Variants in ZNRF3 observed in about 807,000 individuals in gnomAD.
ZNRF3 encodes the protein zinc and ring finger 3, also known as E3 ubiquitin-protein ligase ZNRF3.
A neutral mutation model predicts 72.5 loss-of-function variants in ZNRF3; 23 were observed. The ratio of observed to expected loss-of-function variants is 0.32; its 90% CI spans 0.23 to 0.45. ZNRF3 has a LOEUF of 0.45. ZNRF3 is among the 20% of genes least tolerant of loss of function. ZNRF3 has a pLI of 1.00. For synonymous variants in ZNRF3, 610 were observed against 545.3 expected, an observed-to-expected ratio of 1.12 and a Z score of -1.65; for missense variants, 1,169 against 1,272.1, an observed-to-expected ratio of 0.92 and a Z score of 1.23.
In ZNRF3 at chr22:28,884,085, G is replaced by A; in HGVS notation, c.300+19G>A. 1.7e-6 allele frequency: 2 copies of A among 1,190,542 alleles called. No individual in the cohort carries two copies. The highest frequency in any genetic ancestry group is 2.1e-6 in the Non-Finnish European group (2 of 949,326). The allele number at this position is 1,190,542 out of a possible 1,614,324, so 73.7% of individuals were successfully genotyped here. A position where few individuals can be genotyped will look rare whatever the true frequency, so the allele number is the denominator to read the frequency against. On this transcript the variant is annotated intron_variant, in intron 1 of 8. Coordinates refer to ENST00000544604, the MANE Select transcript of ZNRF3 (RefSeq NM_001206998.2). ...CGTGCAGGTAGCTGCCCGCCGCCCG[G>A]GCCCCGCGCCGCCTCCGCCACAAGA...
intron 1 of ZNRF3, among the ~76,000 whole-genome samples, chr22:28,966,439 G>A (rs1381171247): frequency 1.3e-5 from 2 of 152,050 alleles, no homozygotes; most frequent in Non-Finnish European, 2.9e-5. Flanking sequence ...ATAGTCCCAG[G>A]CAGGTCCTTC....
intron 2 of ZNRF3, chr22:29,024,984 T>G (rs1417448596): frequency 6.8e-6 from 1 of 146,898 alleles, no homozygotes; most frequent in South Asian, 2.2e-4. Flanking sequence ...TACTTTTTTT[T>G]TTTTTTTTTT....
rs16987090 is a variant in ZNRF3 at position 29,054,119 on chromosome 22, A to G, written c.*497A>G. On this transcript the variant is annotated 3_prime_UTR_variant, in exon 9 of 9. Coordinates refer to ENST00000544604, the MANE Select transcript of ZNRF3 (RefSeq NM_001206998.2). The stretch of plus-strand genomic sequence containing the variant: ...AAGCTCAGGGCTTCACCTGCCTTAG[A>G]AAATGAACCAGAAACTTGAAGTAAA... The G allele has an allele frequency of 0.023, 3,508 of 152,538 alleles. 66 individuals are homozygous for G. Among genetic ancestry groups the G allele is most frequent in the East Asian group, 0.094 (488 of 5,188 alleles). 9.4% of individuals were successfully genotyped at this position (152,538 alleles called of 1,614,324 possible).
At chr22:29,019,375 G>A (rs967044958) in intron 2 of ZNRF3, among the ~76,000 whole-genome samples, 7 of 152,156 alleles carry the variant, frequency 4.6e-5, no homozygotes, top group Non-Finnish European at 8.8e-5. Flanking sequence ...TGTCAATCAT[G>A]TATCTTCCTT....
chr22:28,974,869 T>C (rs930486674), intron 1 of ZNRF3, among the ~76,000 whole-genome samples: 2 of 152,286 alleles, frequency 1.3e-5, no homozygotes, highest in African/African-American at 4.8e-5. Context: ...ACTCCTGGGC[T>C]CAAGTAATCC....
intron 1 of ZNRF3, among the ~76,000 whole-genome samples, chr22:28,940,481 C>T (rs1328280544): frequency 2.7e-5 from 4 of 147,642 alleles, no homozygotes; most frequent in Non-Finnish European, 4.4e-5. Flanking sequence ...GTTACAGAGC[C>T]ACACTAGGTT....
intron 1 of ZNRF3, among the ~76,000 whole-genome samples, chr22:28,937,918 G>C (rs1253265623): frequency 6.6e-6 from 1 of 152,184 alleles, no homozygotes; most frequent in Non-Finnish European, 1.5e-5. Flanking sequence ...AAGTTGCAAA[G>C]ATAGAACAGA....
chr22:29,046,996 G>T, intron 6 of ZNRF3, 113 bp downstream of exon 6: 1 of 1,078,234 alleles, frequency 9.3e-7, no homozygotes, highest in Non-Finnish European at 1.2e-6. Context: ...TCAACTTTTA[G>T]AGTCACTCTT....
At chr22:28,935,284 G>C (rs2123781814) in intron 1 of ZNRF3, among the ~76,000 whole-genome samples, 1 of 152,260 alleles carries the variant, frequency 6.6e-6, no homozygotes, top group East Asian at 1.9e-4. Context: ...CTGTGTACCT[G>C]CCCTTTGCCC....
rs140604166 is a variant in ZNRF3, at chr22:29,046,542, G to A, written c.745-174G>A. On this transcript the variant is annotated intron_variant, in intron 5 of 8. Coordinates refer to ENST00000544604, the MANE Select transcript of ZNRF3 (RefSeq NM_001206998.2). ...TAGGTTGATGTCGTGGACACCCCACGCGTCTGGAGAATATGTGCTATGGCA... is the reference window on the plus strand; with the variant it reads ...TAGGTTGATGTCGTGGACACCCCACACGTCTGGAGAATATGTGCTATGGCA... 7.4e-3 allele frequency among the ~76,000 whole-genome samples: 1,123 copies of A among 152,204 alleles called. 20 individuals carry two copies. The highest frequency in any genetic ancestry group is 0.026 in the African/African-American group (1,082 of 41,520).
chr22:29,047,760 G>T (rs1279481900), intron 6 of ZNRF3, among the ~76,000 whole-genome samples: 1 of 152,204 alleles, frequency 6.6e-6, no homozygotes, highest in Non-Finnish European at 1.5e-5. Context: ...AGTAAAATGA[G>T]CAAATCTGGA....
chr22:29,017,460 G>A (rs961245270), intron 2 of ZNRF3, among the ~76,000 whole-genome samples: 1 of 152,196 alleles, frequency 6.6e-6, no homozygotes, highest in African/African-American at 2.4e-5. Flanking sequence ...AAATTGCAGG[G>A]AGGAAGATCA....
Position 29,050,539 on chromosome 22 carries a change from G to T in ZNRF3, c.2358G>T (p.Gln786His). ...GLPCCFYEEK[Q>H]VARGGGGGSG... The stretch of plus-strand genomic sequence containing the variant: ...CCTGCTGCTTCTATGAAGAGAAGCA[G>T]GTGGCCCGCGGGGGCGGAGGGGGCA... Residue 786 changes from glutamine to histidine, a missense_variant, in exon 8 of 9, where the codon CAG becomes CAT. Around this residue, in one of 2 missense-constraint regions of ZNRF3, gnomAD observed 783 missense variants for 731.4 expected, o/e 1.07. Transcript: ENST00000544604. The T allele has an allele frequency of 6.2e-7, 1 of 1,611,102 alleles. No individual in the cohort carries two copies. Among genetic ancestry groups the T allele is most frequent in the South Asian group, 1.1e-5 (1 of 90,842 alleles).
At chr22:28,929,838 G>A (rs1333072905) in intron 1 of ZNRF3, among the ~76,000 whole-genome samples, 2 of 152,178 alleles carry the variant, frequency 1.3e-5, no homozygotes. Flanking sequence ...ATCATCTTAA[G>A]TTTTAATTAA....
At chr22:29,039,784 CAAAAAAAAAA>C (rs397976678) in intron 2 of ZNRF3, among the ~76,000 whole-genome samples, 2,173 of 85,386 alleles carry the variant, frequency 0.025, 32 homozygotes, top group African/African-American at 0.057. Flanking sequence ...TCGTCTCTAC[CAAAAAAAAAA>C]AAAAAAAAAA....
intron 1 of ZNRF3, among the ~76,000 whole-genome samples, chr22:28,955,768 AAAG>A (rs2035248205): frequency 6.6e-6 from 1 of 151,936 alleles, no homozygotes; most frequent in South Asian, 2.1e-4. Flanking sequence ...AAAAAAAAAA[AAAG>A]AGCCAGGCAT....
chr22:28,937,206 TATATATATA>T (rs1396285390), intron 1 of ZNRF3, among the ~76,000 whole-genome samples: 35 of 5,190 alleles, frequency 6.7e-3, no homozygotes, highest in South Asian at 0.016. Context: ...TATATATATA[TATATATATA>T]TTTTTTTTTT....
chr22:28,993,279 A>G (rs1303791175), intron 2 of ZNRF3, among the ~76,000 whole-genome samples: 1 of 152,174 alleles, frequency 6.6e-6, no homozygotes, highest in Non-Finnish European at 1.5e-5. Context: ...CCCGGAAATT[A>G]CTGAGGGCTC....
chr22:28,980,405 C>T (rs1252595431), intron 1 of ZNRF3, among the ~76,000 whole-genome samples: 1 of 152,234 alleles, frequency 6.6e-6, no homozygotes, highest in African/African-American at 2.4e-5. Flanking sequence ...ATCAACTCAT[C>T]TGCCTAGGTG....
Sources: gnomAD v4.1 joint callset for allele counts (sites outside exome capture counted in the v4.1 genomes callset) on GRCh38, gnomAD v4.1.1 for gene constraint, gnomAD v4.1.1 regional missense constraint, MANE v1.5 for transcripts, NCBI Gene and HGNC (gene_info 2026-07-23, HGNC 2026-07-21) for gene names.